Variants in SHOX observed in about 807,000 individuals in gnomAD.
SHOX encodes SHOX homeobox.
In SHOX, 12 loss-of-function variants were observed where a neutral mutation model predicts 29.6. The ratio of observed to expected loss-of-function variants is 0.41; its 90% confidence interval spans 0.26 to 0.66. The LOEUF (loss-of-function observed/expected upper bound fraction) is 0.66, where lower values mean the gene tolerates loss of function less well. SHOX is among the 30% of genes least tolerant of loss of function. SHOX has a pLI of 0.35. For missense variants in SHOX, 499 were observed against 437.7 expected, an observed-to-expected ratio of 1.14 and a Z score of -1.25; for synonymous variants, 214 against 200.6, an observed-to-expected ratio of 1.07 and a Z score of -0.57.
chrX:657,416 G>A (rs2053162776), intron 5 of SHOX, among the ~76,000 whole-genome samples: 1 of 152,158 alleles, frequency 6.6e-6, no homozygotes, highest in Non-Finnish European at 1.5e-5. Context: ...ACCCTTGGGA[G>A]GAAGATATGT....
chrX:626,929 C>G (rs2052549710), upstream of SHOX, among the ~76,000 whole-genome samples: 1 of 151,428 alleles, frequency 6.6e-6, no homozygotes, highest in South Asian at 2.1e-4. Flanking sequence ...CTACCTGTGT[C>G]TCTCTTTCCT....
In SHOX at chrX:650,679, G is replaced by A. The variant is rs1271471641; in HGVS notation, c.*6043G>A. On this transcript the variant is annotated 3_prime_UTR_variant, in exon 5 of 5. Coordinates refer to ENST00000686671, the MANE Select transcript of SHOX (RefSeq NM_000451.4). ...CGGGGACATAGCGAGGATGGCACACGGCAGCCACTCCCACGACACACATTT... is the reference window on the plus strand; with the variant it reads ...CGGGGACATAGCGAGGATGGCACACAGCAGCCACTCCCACGACACACATTT... Among the ~76,000 whole-genome samples, 6 of 150,854 alleles carry A rather than the reference G, an allele frequency of 4.0e-5. No homozygotes were observed. Among genetic ancestry groups the A allele is most frequent in the Non-Finnish European group, 7.4e-5 (5 of 67,846 alleles).
downstream of SHOX, among the ~76,000 whole-genome samples, chrX:652,628 G>T (rs1355938669): frequency 6.6e-6 from 1 of 152,084 alleles, no homozygotes; most frequent in Non-Finnish European, 1.5e-5. Flanking sequence ...TGTACCGTCC[G>T]TTCTTCCTGC....
chrX:634,696 G>T lies in SHOX; in HGVS notation c.356G>T (p.Arg119Leu). The T allele has an allele frequency of 1.9e-6, 3 of 1,613,838 alleles. No homozygotes were observed. Among genetic ancestry groups the T allele is most frequent in the Non-Finnish European group, 2.5e-6 (3 of 1,179,836 alleles). Residue 119 changes from arginine (R) to leucine (L), a missense_variant, in exon 2 of 5, where the codon CGC (arginine) becomes CTC (leucine). By Grantham distance (102) the Arg-to-Leu change is moderately radical (BLOSUM62 -2). Coordinates refer to ENST00000686671, the MANE Select transcript of SHOX (RefSeq NM_000451.4). ...EDGQTKLKQR[R>L]SRTNFTLEQL... is the part of the protein sequence containing the mutation. The stretch of plus-strand genomic sequence containing the variant: ...GGGCAGACCAAGCTGAAACAGAGGC[G>T]CAGCCGCACCAACTTCACGCTGGAG...
intron 4 of SHOX, among the ~76,000 whole-genome samples, chrX:641,901 C>T (rs1440452721): frequency 6.6e-6 from 1 of 152,152 alleles, no homozygotes; most frequent in Admixed American, 6.5e-5. Flanking sequence ...TCATCACCAC[C>T]CCCGAGTGCC....
chrX:642,796 C>T (rs2052879275), intron 4 of SHOX, among the ~76,000 whole-genome samples: 1 of 151,092 alleles, frequency 6.6e-6, no homozygotes, highest in South Asian at 2.1e-4. Flanking sequence ...TACCTGGTTT[C>T]TCTGGAAGAG....
At position 641,003 on chromosome X, in the gene SHOX, C is replaced by T; in HGVS notation, c.549C>T (p.Val183=). 6.2e-7 allele frequency: 1 copy of T among 1,613,890 alleles called. No homozygotes were observed. Among genetic ancestry groups the T allele is most frequent in the East Asian group, 2.2e-5 (1 of 44,874 alleles). Residue 183 remains valine, a synonymous_variant, in exon 4 of 5, where the codon GTC becomes GTT. Transcript: ENST00000686671. ...ACCTGCTCCCTTTGGACACAGGCGT[C>T]ATCTTGGGCACAGCCAACCACCTAG... ...RKQENQMHKG[V]ILGTANHLDA... is the part of the protein sequence containing the mutation.
intron 1 of SHOX, among the ~76,000 whole-genome samples, chrX:625,383 A>C (rs2052504555): frequency 6.6e-6 from 1 of 152,046 alleles, no homozygotes; most frequent in South Asian, 2.1e-4. Flanking sequence ...CATTTCATAC[A>C]GGGAGGCGGT....
downstream of SHOX, among the ~76,000 whole-genome samples, chrX:656,207 G>C (rs950165667): frequency 1.3e-5 from 2 of 152,010 alleles, no homozygotes; most frequent in African/African-American, 4.8e-5. Context: ...TACTCTGGGA[G>C]GCTGGGGCAG....
At chrX:625,699 C>A (rs55747259) in intron 1 of SHOX, among the ~76,000 whole-genome samples, 3,720 of 64,170 alleles carry the variant, frequency 0.058, 218 homozygotes, top group South Asian at 0.19. Context: ...CTTCCTCTGT[C>A]TCTCTTTCTA....
chrX:634,967 G>A (rs2052719112), intron 2 of SHOX, 141 bp downstream of exon 2: 26 of 871,456 alleles, frequency 3.0e-5, no homozygotes, highest in Non-Finnish European at 4.3e-5. Context: ...GGGACGGGCT[G>A]GGGTTCCTGG....
At position 636,555 on chromosome X, in the gene SHOX, A is replaced by ATATT. The variant is rs1419783236; in HGVS notation, c.486+1729_486+1730insTATT. On this transcript the variant is annotated intron_variant, in intron 2 of 4. Coordinates refer to ENST00000686671, the MANE Select transcript of SHOX (RefSeq NM_000451.4). ...TATATATACATATAAAAATATATAT[A>ATATT]AACATATATACATATAAAGAAATAT... is the stretch of plus-strand genomic sequence containing the variant. Among the ~76,000 whole-genome samples the ATATT allele has an allele frequency of 2.1e-3, 29 of 13,976 alleles. 2 individuals carry two copies. The African/African-American group carries it at 0.028, about 13-fold the overall frequency. 9.2% of individuals were successfully genotyped at this position (13,976 alleles called of 152,430 possible). A position where few individuals can be genotyped will look rare whatever the true frequency, so the allele number is the denominator to read the frequency against.
rs921431637 is a variant in SHOX, at chrX:644,896, C to T, written c.*260C>T. 4 of 466,712 alleles carry T rather than the reference C, an allele frequency of 8.6e-6. No individual in the cohort carries two copies. The highest frequency in any genetic ancestry group is 6.2e-5 in the African/African-American group (3 of 48,320). 28.9% of individuals were successfully genotyped at this position (466,712 alleles called of 1,614,324 possible). On this transcript the variant is annotated 3_prime_UTR_variant, in exon 5 of 5. Coordinates refer to ENST00000686671, the MANE Select transcript of SHOX (RefSeq NM_000451.4). ...CCAGCCCGGGCCTCTCCAAGGCTGC[C>T]CGTGCGTCCTGGGACCCTGGAGAAG...
At chrX:628,227 TTCTCTC>T (rs1414138905), upstream of SHOX, among the ~76,000 whole-genome samples, 1 of 148,018 alleles carries the variant, frequency 6.8e-6, no homozygotes, top group Admixed American at 6.7e-5. Flanking sequence ...GTGTCGCTCT[TTCTCTC>T]TCTCCATCTC....
downstream of SHOX, among the ~76,000 whole-genome samples, chrX:653,582 C>T (rs1201847217): frequency 6.6e-6 from 1 of 151,870 alleles, no homozygotes; most frequent in Admixed American, 6.6e-5. Flanking sequence ...CTGATTTTTC[C>T]ATGGGTTGTC....
chrX:654,809 C>T (rs961493943), downstream of SHOX, among the ~76,000 whole-genome samples: 1 of 152,018 alleles, frequency 6.6e-6, no homozygotes, highest in Non-Finnish European at 1.5e-5. Context: ...CCCAGCCTCC[C>T]GAGTAGCTGG....
chrX:632,468 CT>C (rs1287268552), intron 1 of SHOX, among the ~76,000 whole-genome samples: 1 of 152,206 alleles, frequency 6.6e-6, no homozygotes, highest in Non-Finnish European at 1.5e-5. Flanking sequence ...CGCAGAGAAT[CT>C]AGCCTCGGCT....
At position 646,883 on chromosome X, in the gene SHOX, A is replaced by G. The variant is rs1183085193; in HGVS notation, c.*2247A>G. ...ATTGCATTTTGAATCTTTGGGAAGT[A>G]GGTTCATTCATCAGAGTATGTAACC... On this transcript the variant is annotated 3_prime_UTR_variant, in exon 5 of 5. Coordinates refer to ENST00000686671, the MANE Select transcript of SHOX (RefSeq NM_000451.4). The G allele has an allele frequency of 6.6e-6, 1 of 152,150 alleles. No homozygotes were observed. Among genetic ancestry groups the G allele is most frequent in the Non-Finnish European group, 1.5e-5 (1 of 68,034 alleles). 9.4% of individuals were successfully genotyped at this position (152,150 alleles called of 1,614,324 possible).
chrX:632,561 CG>C (rs1284125564), intron 1 of SHOX, among the ~76,000 whole-genome samples: 1 of 151,974 alleles, frequency 6.6e-6, no homozygotes, highest in African/African-American at 2.4e-5. Context: ...ACCTGCTCTC[CG>C]GGGCCCTGCA....
Sources: allele counts gnomAD v4.1 joint callset (sites outside exome capture counted in the v4.1 genomes callset), GRCh38; gene constraint gnomAD v4.1.1; transcripts MANE v1.5; gene names NCBI Gene and HGNC (gene_info 2026-07-23, HGNC 2026-07-21).